The following PPP4R4 variants were observed in gnomAD, a reference collection of about 807,000 sequenced individuals.
PPP4R4 encodes serine/threonine-protein phosphatase 4 regulatory subunit 4.
Under a neutral mutation model 121.8 loss-of-function variants are expected in PPP4R4, and 70 were observed. The observed-to-expected ratio is 0.57, with a 90% CI of 0.47 to 0.70. The LOEUF (loss-of-function observed/expected upper bound fraction) is 0.70. Among genes scored for constraint, PPP4R4 ranks in the 30% least tolerant of loss-of-function variants. The pLI is 0.00. For missense variants in PPP4R4, 875 were observed against 1,033.6 expected (o/e 0.85, Z 2.10); for synonymous variants, 348 against 355.7 (o/e 0.98, Z 0.24).
chr14:94,203,325 C>G (rs1208153528), intron 2 of PPP4R4, among the ~76,000 whole-genome samples: 1 of 152,158 alleles, frequency 6.6e-6, no homozygotes, highest in Non-Finnish European at 1.5e-5. Context: ...ATTTTTTTCA[C>G]TTAGCATAAT....
At chr14:94,175,433 C>G (rs1029377893) in intron 1 of PPP4R4, 1 of 153,316 alleles carries the variant, frequency 6.5e-6, no homozygotes, top group African/African-American at 2.4e-5. Flanking sequence ...CCCGCAGAGT[C>G]ATCTTCCTCC....
intron 2 of PPP4R4, among the ~76,000 whole-genome samples, chr14:94,200,734 A>T (rs772583104): frequency 2.7e-5 from 4 of 150,630 alleles, no homozygotes; most frequent in Non-Finnish European, 5.9e-5. Context: ...TTCTTGGTTA[A>T]TCTCGCTAGT....
chr14:94,225,953 AT>A (rs1319360128), intron 3 of PPP4R4, among the ~76,000 whole-genome samples: 32 of 152,110 alleles, frequency 2.1e-4, no homozygotes, highest in Non-Finnish European at 1.5e-5. Flanking sequence ...TTGGAAAAAA[AT>A]ATTGAATTAA....
intron 11 of PPP4R4, among the ~76,000 whole-genome samples, chr14:94,243,262 C>T (rs1292725174): frequency 6.6e-6 from 1 of 152,010 alleles, no homozygotes; most frequent in East Asian, 1.9e-4. Context: ...ATACAAAATC[C>T]TGGACATCTT....
At chr14:94,278,274 C>A (rs1377940968) in intron 24 of PPP4R4, among the ~76,000 whole-genome samples, 1 of 152,026 alleles carries the variant, frequency 6.6e-6, no homozygotes, top group East Asian at 1.9e-4. Flanking sequence ...TATATCTTGT[C>A]TTTTAAGGCA....
chr14:94,235,916 A>G (rs1892321330), intron 7 of PPP4R4, among the ~76,000 whole-genome samples: 1 of 152,160 alleles, frequency 6.6e-6, no homozygotes, highest in Admixed American at 6.5e-5. Flanking sequence ...AGTTGCACTG[A>G]TTTCATCTGG....
At chr14:94,208,432 T>G in intron 2 of PPP4R4, 32 bp from the exon 3 acceptor site, 1 of 1,506,416 alleles carries the variant, frequency 6.6e-7, no homozygotes. Flanking sequence ...AGCTTATAAT[T>G]ATAAATTTTA....
At chr14:94,180,468 G>A (rs1185322775) in intron 2 of PPP4R4, among the ~76,000 whole-genome samples, 1 of 152,104 alleles carries the variant, frequency 6.6e-6, no homozygotes, top group Non-Finnish European at 1.5e-5. Context: ...TTAATGTACT[G>A]AGACTAGCTT....
At chr14:94,230,207 A>G (rs1891941087) in intron 3 of PPP4R4, among the ~76,000 whole-genome samples, 1 of 152,182 alleles carries the variant, frequency 6.6e-6, no homozygotes. Context: ...AACACATGTG[A>G]TTGTCTGAGC....
At chr14:94,254,873 ACCT>A (rs1595530355) in intron 16 of PPP4R4, among the ~76,000 whole-genome samples, 1 of 151,848 alleles carries the variant, frequency 6.6e-6, no homozygotes. Context: ...GCATTCTTCA[ACCT>A]CCTTGTTTCT....
chr14:94,241,382 C>T lies in PPP4R4; in HGVS notation c.977-406C>T, dbSNP rs962302607. On this transcript the variant is annotated intron_variant, in intron 9 of 24. Coordinates refer to ENST00000304338, the MANE Select transcript of PPP4R4 (RefSeq NM_058237.2). ...GTCTTTCAGATTCAATTTTTAAGCTCCTTCCCTGCAGAGACACATACACAC... is the reference window on the plus strand; with the variant it reads ...GTCTTTCAGATTCAATTTTTAAGCTTCTTCCCTGCAGAGACACATACACAC... Among the ~76,000 whole-genome samples, 6 of 152,054 alleles carry T rather than the reference C, an allele frequency of 3.9e-5. No homozygotes were observed. In the South Asian group the frequency reaches 6.2e-4, roughly 16 times the overall value.
chr14:94,257,994 C>G (rs796612810), intron 17 of PPP4R4, among the ~76,000 whole-genome samples: 1 of 152,044 alleles, frequency 6.6e-6, no homozygotes, highest in Non-Finnish European at 1.5e-5. Flanking sequence ...TCCCAGGAAG[C>G]TACACAAAAC....
intron 2 of PPP4R4, among the ~76,000 whole-genome samples, chr14:94,194,919 C>G (rs142295464): frequency 1.3e-4 from 20 of 152,334 alleles, no homozygotes; most frequent in African/African-American, 4.3e-4. Context: ...TGATACACAA[C>G]CTTTTCACAA....
rs10220513 is a variant in PPP4R4, at chr14:94,192,738, A to G, written c.192-15726A>G. The stretch of plus-strand genomic sequence containing the variant: ...TACTGACTGATTATGTCACGTCATC[A>G]TTTTTGGATAGCATCTGCTCATCTC... On this transcript the variant is annotated intron_variant, in intron 2 of 24. Transcript: ENST00000304338. 2.0e-3 allele frequency among the ~76,000 whole-genome samples: 304 copies of G among 152,284 alleles called. 1 individual carries two copies. Among genetic ancestry groups the G allele is most frequent in the African/African-American group, 7.0e-3 (289 of 41,570 alleles).
chr14:94,275,342 G>C, intron 23 of PPP4R4, 32 bp from the exon 24 acceptor site: 4 of 1,608,796 alleles, frequency 2.5e-6, no homozygotes, highest in Non-Finnish European at 3.4e-6. Flanking sequence ...TAGTATATTT[G>C]GTATGTCTGA....
At chr14:94,219,075 C>CTTTTTT (rs1891239363) in intron 3 of PPP4R4, among the ~76,000 whole-genome samples, 1 of 112,896 alleles carries the variant, frequency 8.9e-6, no homozygotes, top group South Asian at 3.1e-4. Flanking sequence ...TTTTTCTTTT[C>CTTTTTT]TTTTCTTTTT....
chr14:94,265,451 C>T lies in PPP4R4; in HGVS notation c.2262C>T (p.Pro754=), dbSNP rs1253413777. The T allele has an allele frequency of 1.9e-6, 3 of 1,612,024 alleles. No individual in the cohort carries two copies. Among genetic ancestry groups the T allele is most frequent in the South Asian group, 1.1e-5 (1 of 91,030 alleles). The change falls in exon 21 of 25, where the codon CCC becomes CCT. Residue 754 remains proline (P), a synonymous_variant. Coordinates refer to ENST00000304338, the MANE Select transcript of PPP4R4 (RefSeq NM_058237.2). ...ACATCCCCATTTCTGTTCCTGGACC[C>T]TCTTCTGTCACCCCATCGACAAGTA... ...PKNIPISVPG[P]SSVTPSTSKE... is the part of the protein sequence containing the mutation.
intron 3 of PPP4R4, among the ~76,000 whole-genome samples, chr14:94,220,947 A>C (rs957258133): frequency 6.6e-6 from 1 of 152,182 alleles, no homozygotes; most frequent in Non-Finnish European, 1.5e-5. Flanking sequence ...ACTTTGAAAA[A>C]TAGGAACAAA....
intron 3 of PPP4R4, among the ~76,000 whole-genome samples, chr14:94,219,748 T>C (rs1000010355): frequency 6.6e-6 from 1 of 152,122 alleles, no homozygotes; most frequent in Non-Finnish European, 1.5e-5. Context: ...CACCATCTAA[T>C]CATCTCAGTA....
Sources: allele counts gnomAD v4.1 joint callset (sites outside exome capture counted in the v4.1 genomes callset), GRCh38; gene constraint gnomAD v4.1.1; transcripts MANE v1.5; gene names NCBI Gene and HGNC (gene_info 2026-07-23, HGNC 2026-07-21).